The following SRGAP1 variants were observed in gnomAD, a reference collection of about 807,000 sequenced individuals.
The protein encoded by SRGAP1 is SLIT-ROBO Rho GTPase activating protein 1.
Under a neutral mutation model 121.9 loss-of-function variants are expected in SRGAP1, and 43 were observed. That is an observed-to-expected ratio of 0.35 (90% CI 0.28 to 0.46). The LOEUF is 0.46. SRGAP1 is among the 20% of genes least tolerant of loss of function. The pLI is 1.00. For synonymous variants in SRGAP1, 447 were observed against 485.4 expected (o/e 0.92, Z 1.04); for missense variants, 1,102 against 1,350.9 (o/e 0.82, Z 2.89).
rs59798383 is a variant in SRGAP1, at chr12:63,992,660, TACACACACACACACACACAC to T, written c.426+2625_426+2644del. On this transcript the variant is annotated intron_variant, in intron 3 of 21. Coordinates refer to ENST00000355086, the MANE Select transcript of SRGAP1 (RefSeq NM_020762.4). Reference sequence around the variant, plus strand: ...AATGGCCTGGAGAATGCACAGTAAATACACACACACACACACACACACACACACACACACACACACACACA... The same window carrying T: ...AATGGCCTGGAGAATGCACAGTAAATACACACACACACACACACACACACA... Among the ~76,000 whole-genome samples, 846 of 138,572 alleles carry T rather than the reference TACACACACACACACACACAC, an allele frequency of 6.1e-3. 4 individuals are homozygous for T. The highest frequency in any genetic ancestry group is 9.6e-3 in the African/African-American group (346 of 35,928). 90.9% of individuals were successfully genotyped at this position (138,572 alleles called of 152,430 possible).
rs183598025 is a variant in SRGAP1, at chr12:63,897,944, T to A, written c.67+53061T>A. Among the ~76,000 whole-genome samples, 69 of 152,304 alleles carry A rather than the reference T, an allele frequency of 4.5e-4. 1 individual carries two copies. The highest frequency in any genetic ancestry group is 1.3e-3 in the African/African-American group (53 of 41,580). On this transcript the variant is annotated intron_variant, in intron 1 of 21. Transcript: ENST00000355086. ...AAAGACTCACTCACCTGAAGCTGAA[T>A]CTATTTCAAACACTGAGAATAAGAA...
chr12:64,094,408 C>G (rs936336431), intron 12 of SRGAP1, among the ~76,000 whole-genome samples: 2 of 152,116 alleles, frequency 1.3e-5, no homozygotes, highest in Admixed American at 6.5e-5. Context: ...AATGAAAAAT[C>G]TGTAAGTTCT....
intron 1 of SRGAP1, among the ~76,000 whole-genome samples, chr12:63,903,708 T>C (rs1473396493): frequency 6.6e-6 from 1 of 151,906 alleles, no homozygotes; most frequent in African/African-American, 2.4e-5. Context: ...GGTCTTGGCT[T>C]ACTGCAGCCT....
chr12:63,865,321 T>C (rs1449996127), intron 1 of SRGAP1, among the ~76,000 whole-genome samples: 1 of 151,770 alleles, frequency 6.6e-6, no homozygotes, highest in Non-Finnish European at 1.5e-5. Context: ...ATACAAAAAT[T>C]AGCTGGGCAT....
At chr12:64,076,231 G>T (rs12819110) in intron 8 of SRGAP1, among the ~76,000 whole-genome samples, 1,667 of 152,262 alleles carry the variant, frequency 0.011, 12 homozygotes, top group Non-Finnish European at 0.017. Context: ...AGACAATGAG[G>T]AGATAAGAAA....
intron 15 of SRGAP1, among the ~76,000 whole-genome samples, chr12:64,107,841 G>T (rs1397196787): frequency 6.6e-6 from 1 of 152,092 alleles, no homozygotes; most frequent in Middle Eastern, 3.2e-3. Flanking sequence ...TATGCTTATT[G>T]GGTATCTTCA....
At chr12:63,937,497 T>C (rs917036774) in intron 1 of SRGAP1, among the ~76,000 whole-genome samples, 2 of 152,218 alleles carry the variant, frequency 1.3e-5, no homozygotes, top group Non-Finnish European at 2.9e-5. Context: ...ATTCTATGAA[T>C]TACTTAGTTC....
In SRGAP1 at chr12:64,147,474, T is replaced by C. The variant is rs2037072047; in HGVS notation, c.*4802T>C. On this transcript the variant is annotated 3_prime_UTR_variant, in exon 22 of 22. Transcript: ENST00000355086. ...TGCCTCGGTGCTCAGTAATGTCCCA[T>C]CTCACCTCCCTGTCGGTCCTCAGAC... The C allele has an allele frequency of 3.3e-6, 1 of 306,892 alleles. No homozygotes were observed. The highest frequency in any genetic ancestry group is 6.0e-6 in the Non-Finnish European group (1 of 167,532). The allele number at this position is 306,892 out of a possible 1,614,324, so 19.0% of individuals were successfully genotyped here.
At chr12:64,014,777 T>C (rs774224267) in intron 3 of SRGAP1, among the ~76,000 whole-genome samples, 1 of 152,126 alleles carries the variant, frequency 6.6e-6, no homozygotes, top group Non-Finnish European at 1.5e-5. Context: ...GTTGTTGTTG[T>C]TGTTATTGTT....
intron 18 of SRGAP1, among the ~76,000 whole-genome samples, chr12:64,118,882 AT>A (rs1015275805): frequency 5.9e-5 from 9 of 151,790 alleles, no homozygotes; most frequent in Admixed American, 1.3e-4. Flanking sequence ...TAATTTTTGT[AT>A]TTTTAGTAGA....
chr12:63,946,706 GC>G (rs1420353890), intron 1 of SRGAP1, among the ~76,000 whole-genome samples: 1 of 151,948 alleles, frequency 6.6e-6, no homozygotes, highest in African/African-American at 2.4e-5. Flanking sequence ...ACCATGCCCG[GC>G]TAATTTTTTC....
intron 4 of SRGAP1, chr12:64,032,683 G>GAA: frequency 4.7e-6 from 1 of 214,398 alleles, no homozygotes; most frequent in Non-Finnish European, 8.8e-6. Flanking sequence ...AGCTTTCAAA[G>GAA]CAAAAAAAAA....
intron 13 of SRGAP1, 60 bp downstream of exon 13, chr12:64,095,052 A>C: frequency 6.2e-7 from 1 of 1,610,510 alleles, no homozygotes; most frequent in Non-Finnish European, 8.5e-7. Context: ...GTTTCAGTAA[A>C]TTTACTTCCT....
In SRGAP1 at chr12:63,844,786, C is replaced by A. The variant is rs752437346; in HGVS notation, c.-31C>A. On this transcript the variant is annotated 5_prime_UTR_variant, in exon 1 of 22. Transcript: ENST00000355086. The surrounding 1 kb of genome is among the most constrained non-coding windows in gnomAD (Gnocchi z 4.3). ...GTTGTGACCACTGAACAAAACTTGCCCATTGAAAGCAAACCCGGAACAGCT... is the reference window on the plus strand; with the variant it reads ...GTTGTGACCACTGAACAAAACTTGCACATTGAAAGCAAACCCGGAACAGCT... 6.2e-7 allele frequency: 1 copy of A among 1,612,308 alleles called. No individual in the cohort carries two copies. The highest frequency in any genetic ancestry group is 8.5e-7 in the Non-Finnish European group (1 of 1,178,330).
intron 3 of SRGAP1, among the ~76,000 whole-genome samples, chr12:64,004,786 A>T (rs1229689452): frequency 1.3e-5 from 2 of 152,204 alleles, no homozygotes; most frequent in African/African-American, 4.8e-5. Flanking sequence ...CATTCCTACC[A>T]TATGTTGAGG....
intron 8 of SRGAP1, among the ~76,000 whole-genome samples, chr12:64,073,726 C>G (rs1384310484): frequency 7.5e-5 from 11 of 146,760 alleles, no homozygotes; most frequent in Non-Finnish European, 3.0e-5. Context: ...ATATTTTTGA[C>G]CCACAGTTGG....
rs559609581 is a variant in SRGAP1, at chr12:63,888,825, G to A, written c.67+43942G>A. The stretch of plus-strand genomic sequence containing the variant: ...TGTATCACAGGTTGGCCAAATGTAT[G>A]GCTCATGGCAGGACAGTTTCTCTGT... On this transcript the variant is annotated intron_variant, in intron 1 of 21. Transcript: ENST00000355086. 2.6e-5 allele frequency among the ~76,000 whole-genome samples: 4 copies of A among 152,288 alleles called. No homozygotes were observed. In the South Asian group the frequency reaches 8.3e-4, roughly 32 times the overall value.
chr12:64,133,073 A>G (rs1419774602), intron 21 of SRGAP1, among the ~76,000 whole-genome samples: 1 of 152,252 alleles, frequency 6.6e-6, no homozygotes, highest in East Asian at 1.9e-4. Context: ...ATTCTCCAGA[A>G]TCCATCTGTC....
intron 15 of SRGAP1, 93 bp downstream of exon 15, chr12:64,097,468 CCCCCATTA>C: frequency 7.9e-7 from 1 of 1,263,126 alleles, no homozygotes; most frequent in Non-Finnish European, 1.1e-6. Flanking sequence ...TACACCCCCA[CCCCCATTA>C]CCCCATTACC....
Sources: allele counts gnomAD v4.1 joint callset (sites outside exome capture counted in the v4.1 genomes callset), GRCh38; gene constraint gnomAD v4.1.1; non-coding constraint Gnocchi (gnomAD v3.1); transcripts MANE v1.5; gene names NCBI Gene and HGNC (gene_info 2026-07-23, HGNC 2026-07-21).